Variants in CSNK2A1 observed in about 807,000 individuals in gnomAD.
CSNK2A1 encodes the protein casein kinase 2 alpha 1.
CSNK2A1 carries 10 observed loss-of-function variants against 62.9 expected under a neutral mutation model. That is an observed-to-expected ratio of 0.16 (90% CI 0.10 to 0.27). The LOEUF is 0.27. CSNK2A1 is among the 10% of genes least tolerant of loss of function. CSNK2A1 has a pLI of 1.00. For missense variants in CSNK2A1, 160 were observed against 492.0 expected (o/e 0.33, Z 6.38); for synonymous variants, 124 against 167.8 (o/e 0.74, Z 2.02).
In CSNK2A1 at chr20:473,228, T is replaced by C. The variant is rs527991565; in HGVS notation, c.*10733A>G. The C allele has an allele frequency of 0.15, 22,488 of 152,228 alleles. 2,199 individuals are homozygous for C. The highest frequency in any genetic ancestry group is 0.28 in the African/African-American group (11,747 of 41,402). The allele number at this position is 152,228 out of a possible 1,614,324, so 9.4% of individuals were successfully genotyped here. A position where few individuals can be genotyped will look rare whatever the true frequency, so the allele number is the denominator to read the frequency against. On this transcript the variant is annotated 3_prime_UTR_variant, in exon 14 of 14. Coordinates refer to ENST00000217244, the MANE Select transcript of CSNK2A1 (RefSeq NM_177559.3). Reference sequence around the variant, plus strand: ...GGTCTTCTTCCCATACTCTTGTCTCTCTCCTGTAACATTTTTACTTCTAAC... The same window carrying C: ...GGTCTTCTTCCCATACTCTTGTCTCCCTCCTGTAACATTTTTACTTCTAAC...
At chr20:509,068 T>C (rs558632445) in intron 2 of CSNK2A1, among the ~76,000 whole-genome samples, 3 of 152,374 alleles carry the variant, frequency 2.0e-5, no homozygotes, top group African/African-American at 7.2e-5. Context: ...TAAAAGGTTC[T>C]AGAATGGCGG....
intron 1 of CSNK2A1, among the ~76,000 whole-genome samples, chr20:536,534 G>A (rs2019328932): frequency 6.6e-6 from 1 of 152,120 alleles, no homozygotes; most frequent in African/African-American, 2.4e-5. Flanking sequence ...CCGAACTGTA[G>A]AGACAAGAAC....
intron 1 of CSNK2A1, among the ~76,000 whole-genome samples, chr20:538,921 A>G (rs979985219): frequency 6.6e-6 from 1 of 152,200 alleles, no homozygotes; most frequent in African/African-American, 2.4e-5. Context: ...ACCTTCAGAA[A>G]CTACATCTCA....
intron 3 of CSNK2A1, 63 bp from the exon 4 acceptor site, chr20:505,292 G>T: frequency 8.3e-7 from 1 of 1,199,118 alleles, no homozygotes; most frequent in South Asian, 1.3e-5. Context: ...CAAATTACAG[G>T]AATCTATTAC....
At chr20:490,335 C>CTTTTTTTTT (rs907727482) in intron 9 of CSNK2A1, among the ~76,000 whole-genome samples, 5,183 of 84,328 alleles carry the variant, frequency 0.061, 200 homozygotes, top group South Asian at 0.085. Context: ...CTAGTTTTTT[C>CTTTTTTTTT]TTTTTTTTTT....
chr20:542,535 C>T (rs936391563), intron 1 of CSNK2A1, among the ~76,000 whole-genome samples: 1 of 152,222 alleles, frequency 6.6e-6, no homozygotes, highest in African/African-American at 2.4e-5. Flanking sequence ...CAGGTTCAAG[C>T]GATTCTCCTG....
chr20:541,727 A>T (rs1261836364), intron 1 of CSNK2A1, among the ~76,000 whole-genome samples: 1 of 152,214 alleles, frequency 6.6e-6, no homozygotes, highest in East Asian at 1.9e-4. Context: ...TATTCCACAA[A>T]GGAGTACATA....
intron 8 of CSNK2A1, chr20:494,356 T>C (rs1175594933): frequency 6.6e-6 from 1 of 152,210 alleles, no homozygotes; most frequent in Non-Finnish European, 1.5e-5. Flanking sequence ...ACAAATATAG[T>C]TGCATTCATA....
chr20:492,597 A>T (rs2076054912), intron 8 of CSNK2A1: 6 of 502,066 alleles, frequency 1.2e-5, no homozygotes, highest in Non-Finnish European at 2.1e-5. Context: ...AATTTCTTAA[A>T]CTGCTCAATG....
At chr20:509,614 T>C (rs1444238310) in intron 2 of CSNK2A1, among the ~76,000 whole-genome samples, 1 of 152,246 alleles carries the variant, frequency 6.6e-6, no homozygotes. Context: ...CTTATTCCAC[T>C]GCCCAGACTG....
rs866621286 is a variant in CSNK2A1, at chr20:508,847, G to A, written c.-109-187C>T. On this transcript the variant is annotated intron_variant, in intron 2 of 13. Transcript: ENST00000217244. ...GAGAAGAAAAATCCCAAGAAATACA[G>A]TAAACTGATATTTGCTTTAATCATA... Among the ~76,000 whole-genome samples the A allele has an allele frequency of 3.9e-5, 6 of 152,062 alleles. No homozygotes were observed. In the South Asian group the frequency reaches 1.2e-3, roughly 31 times the overall value.
Position 499,307 on chromosome 20 carries a change from T to C in CSNK2A1, c.316-2A>G. On this transcript the variant is annotated splice_acceptor_variant, in intron 5 of 13. Coordinates refer to ENST00000217244, the MANE Select transcript of CSNK2A1 (RefSeq NM_177559.3). LOFTEE classifies it high-confidence loss of function. This position sits in a 1 kb window ranked among gnomAD's most constrained non-coding sequence, Gnocchi z 4.2. ...AAAAACCAAGGCGGGGGTTCGTGAC[T>C]AGGGGAAAAGAACAAAAACAAAAAC... 6.2e-7 allele frequency: 1 copy of C among 1,609,926 alleles called. No individual in the cohort carries two copies. Among genetic ancestry groups the C allele is most frequent in the Middle Eastern group, 1.7e-4 (1 of 6,058 alleles).
rs903876034 is a variant in CSNK2A1, at chr20:517,685, A to G, written c.-109-9025T>C. Among the ~76,000 whole-genome samples, 6 of 152,352 alleles carry G rather than the reference A, an allele frequency of 3.9e-5. 1 individual carries two copies. The highest frequency in any genetic ancestry group is 1.4e-4 in the African/African-American group (6 of 41,588). ...AAAACAAGAAATTGCAAAGCGTAAC[A>G]CTTTAAAGCAAGTTAAGAATTTTAA... On this transcript the variant is annotated intron_variant, in intron 2 of 13. Transcript: ENST00000217244.
chr20:543,425 G>A lies in CSNK2A1; in HGVS notation c.-227+247C>T, dbSNP rs987877570. ...TCTCCTCTGCAATAAGCTGGACTCC[G>A]GCAGCCGGTTCCCACCCTCACATCG... is the stretch of plus-strand genomic sequence containing the variant. On this transcript the variant is annotated intron_variant, in intron 1 of 13. Transcript: ENST00000217244. Among the ~76,000 whole-genome samples, 3 of 145,990 alleles carry A rather than the reference G, an allele frequency of 2.1e-5. No homozygotes were observed. The Admixed American group carries it at 2.1e-4, about 10-fold the overall frequency.
At chr20:542,670 A>C (rs1600425859) in intron 1 of CSNK2A1, among the ~76,000 whole-genome samples, 1 of 152,086 alleles carries the variant, frequency 6.6e-6, no homozygotes, top group African/African-American at 2.4e-5. Flanking sequence ...TGACCTCGTG[A>C]TCCACCCGCC....
chr20:536,144 A>C (rs918017744), intron 1 of CSNK2A1, among the ~76,000 whole-genome samples: 3 of 152,190 alleles, frequency 2.0e-5, no homozygotes, highest in African/African-American at 4.8e-5. Flanking sequence ...GGCGTGACTT[A>C]CATACTGATC....
In CSNK2A1 at chr20:483,895, A is replaced by G. The variant is rs768868570; in HGVS notation, c.*66T>C. 1.1e-5 allele frequency: 16 copies of G among 1,497,500 alleles called. No individual in the cohort carries two copies. Among genetic ancestry groups the G allele is most frequent in the Non-Finnish European group, 1.4e-5 (16 of 1,121,644 alleles). 92.8% of individuals were successfully genotyped at this position (1,497,500 alleles called of 1,614,324 possible). A position where few individuals can be genotyped will look rare whatever the true frequency, so the allele number is the denominator to read the frequency against. ...TGTTTCACCCCTCCCCGCCAGGCGC[A>G]AGCTGCATCAAGGAGAGGGTGGACT... is the stretch of plus-strand genomic sequence containing the variant. On this transcript the variant is annotated 3_prime_UTR_variant, in exon 14 of 14. Coordinates refer to ENST00000217244, the MANE Select transcript of CSNK2A1 (RefSeq NM_177559.3).
intron 2 of CSNK2A1, among the ~76,000 whole-genome samples, chr20:509,017 A>G (rs2018662904): frequency 3.3e-5 from 5 of 152,242 alleles, no homozygotes; most frequent in Admixed American, 3.3e-4. Context: ...CAAGAAAAAT[A>G]CTTTCTTTTC....
rs1444772959 is a variant in CSNK2A1, at chr20:483,352, G to A, written c.*609C>T. 1 of 152,164 alleles carries A rather than the reference G, an allele frequency of 6.6e-6. No individual in the cohort carries two copies. The highest frequency in any genetic ancestry group is 1.5e-5 in the Non-Finnish European group (1 of 68,032). 9.4% of individuals were successfully genotyped at this position (152,164 alleles called of 1,614,324 possible). On this transcript the variant is annotated 3_prime_UTR_variant, in exon 14 of 14. Transcript: ENST00000217244. ...ATTTTGGGTAGATTTTCAACATCTT[G>A]ATGTAACTAAGACACACTTCCACAA...
Sources: allele counts gnomAD v4.1 joint callset (sites outside exome capture counted in the v4.1 genomes callset), GRCh38; gene constraint gnomAD v4.1.1; non-coding constraint Gnocchi (gnomAD v3.1); transcripts MANE v1.5; gene names NCBI Gene and HGNC (gene_info 2026-07-23, HGNC 2026-07-21).